Variants in AFF3 observed in about 807,000 individuals in gnomAD.
AFF3 encodes AF4/FMR2 family member 3.
Under a neutral mutation model 129.7 loss-of-function variants are expected in AFF3, and 32 were observed. The observed-to-expected ratio is 0.25, with a 90% CI of 0.19 to 0.33. The LOEUF is 0.33. Among genes scored for constraint, AFF3 ranks in the 10% least tolerant of loss-of-function variants. AFF3 has a pLI of 1.00. For synonymous variants in AFF3, 644 were observed against 635.4 expected, an observed-to-expected ratio of 1.01 and a Z score of -0.20; for missense variants, 1,373 against 1,592.0, an observed-to-expected ratio of 0.86 and a Z score of 2.34.
chr2:100,060,953 G>A (rs1029477741), intron 4 of AFF3, among the ~76,000 whole-genome samples: 3 of 152,206 alleles, frequency 2.0e-5, no homozygotes, highest in Non-Finnish European at 4.4e-5. Context: ...CGATGACGTT[G>A]ATGGTCTTGA....
At chr2:99,667,615 G>A (rs539612946) in intron 12 of AFF3, among the ~76,000 whole-genome samples, 1 of 152,206 alleles carries the variant, frequency 6.6e-6, no homozygotes, top group South Asian at 2.1e-4. Flanking sequence ...TAGCAAGACT[G>A]ATATAAAAAA....
chr2:99,597,573 A>G (rs1331014060), intron 14 of AFF3, among the ~76,000 whole-genome samples: 2 of 152,228 alleles, frequency 1.3e-5, no homozygotes, highest in Non-Finnish European at 2.9e-5. Flanking sequence ...TGTACCATTT[A>G]TTCCTTTATT....
intron 18 of AFF3, among the ~76,000 whole-genome samples, chr2:99,570,903 C>T (rs1306100094): frequency 6.6e-6 from 1 of 152,238 alleles, no homozygotes; most frequent in South Asian, 2.1e-4. Flanking sequence ...CCTCAATTTC[C>T]CCCGCCGTAA....
intron 7 of AFF3, among the ~76,000 whole-genome samples, chr2:99,887,439 G>C (rs1236143378): frequency 6.6e-6 from 1 of 152,176 alleles, no homozygotes; most frequent in East Asian, 1.9e-4. Flanking sequence ...TTAGCACTGT[G>C]CTTGTTAATT....
chr2:99,639,980 G>A (rs1488928034), intron 13 of AFF3, among the ~76,000 whole-genome samples: 2 of 152,088 alleles, frequency 1.3e-5, no homozygotes. Context: ...ACTGCACCCG[G>A]CCCAGGATGA....
At position 100,006,868 on chromosome 2, in the gene AFF3, C is replaced by T; in HGVS notation, c.637G>A (p.Val213Ile). The change falls in exon 7 of 25, where the codon GTT becomes ATT. Residue 213 changes from valine (V) to isoleucine (I), a missense_variant. Val to Ile is a conservative substitution (Grantham distance 29). This residue lies in a region of AFF3 where 255 missense variants were observed against 256.0 expected (regional missense o/e 1.00). Coordinates refer to ENST00000672756, the MANE Select transcript of AFF3 (RefSeq NM_001386135.1). ...AAKHSSSGHC[V>I]QNFPPSLASK... ...GCTAGGGATGGAGGAAAGTTCTGAA[C>T]ACAGTGTCCGCTGCTGCTGTGCTTG... 1 of 1,614,174 alleles carries T rather than the reference C, an allele frequency of 6.2e-7. No homozygotes were observed.
intron 7 of AFF3, among the ~76,000 whole-genome samples, chr2:99,840,204 G>A (rs1475456099): frequency 1.3e-5 from 2 of 152,040 alleles, no homozygotes; most frequent in Non-Finnish European, 2.9e-5. Flanking sequence ...TTCTTCTGCT[G>A]TTTGAGCTTT....
At chr2:99,889,939 C>T (rs1693421369) in intron 7 of AFF3, among the ~76,000 whole-genome samples, 1 of 152,236 alleles carries the variant, frequency 6.6e-6, no homozygotes, top group Admixed American at 6.5e-5. Flanking sequence ...GGATTACAGG[C>T]ATGAGCCACC....
chr2:99,671,931 T>C (rs1427648788), intron 12 of AFF3, among the ~76,000 whole-genome samples: 2 of 152,300 alleles, frequency 1.3e-5, no homozygotes, highest in South Asian at 2.1e-4. Context: ...ACCCCCTAAC[T>C]GATGTCTCGA....
chr2:100,081,283 T>C (rs1573369587), intron 4 of AFF3, among the ~76,000 whole-genome samples: 1 of 152,060 alleles, frequency 6.6e-6, no homozygotes, highest in South Asian at 2.1e-4. Flanking sequence ...GAAAAAGTCT[T>C]GATACAGAGG....
At chr2:99,594,685 A>G (rs1439959099) in intron 14 of AFF3, among the ~76,000 whole-genome samples, 1 of 152,132 alleles carries the variant, frequency 6.6e-6, no homozygotes, top group Non-Finnish European at 1.5e-5. Context: ...AGCATAAATC[A>G]CTTGTTTTTT....
chr2:99,975,333 T>A (rs1283488086), intron 7 of AFF3, among the ~76,000 whole-genome samples: 3 of 152,154 alleles, frequency 2.0e-5, no homozygotes, highest in African/African-American at 7.2e-5. Flanking sequence ...AACCCAACAA[T>A]CTATCAAAAT....
intron 2 of AFF3, chr2:100,106,420 A>G (rs1691296593): frequency 9.7e-7 from 1 of 1,035,270 alleles, no homozygotes; most frequent in Non-Finnish European, 1.2e-6. Flanking sequence ...CCCAATGCAC[A>G]GTGTATTTGG....
intron 18 of AFF3, among the ~76,000 whole-genome samples, chr2:99,576,699 C>T (rs753470489): frequency 1.3e-4 from 20 of 152,078 alleles, no homozygotes; most frequent in Admixed American, 2.6e-4. Context: ...TGCAAGTATG[C>T]GGTGGTGTGA....
At chr2:99,751,211 A>G (rs1395191459) in intron 9 of AFF3, among the ~76,000 whole-genome samples, 1 of 152,194 alleles carries the variant, frequency 6.6e-6, no homozygotes, top group Admixed American at 6.5e-5. Flanking sequence ...CTCCTGCCTC[A>G]GCCTCTCAAG....
chr2:100,018,363 T>G (rs1048719125), intron 4 of AFF3, among the ~76,000 whole-genome samples: 3 of 152,216 alleles, frequency 2.0e-5, no homozygotes, highest in Non-Finnish European at 2.9e-5. Context: ...CAACTCCATT[T>G]CTAGTTCAGT....
In AFF3 at chr2:100,050,636, G is replaced by T. The variant is rs1382586008; in HGVS notation, c.54-41704C>A. 2.6e-5 allele frequency among the ~76,000 whole-genome samples: 4 copies of T among 152,184 alleles called. No individual in the cohort carries two copies. In the South Asian group the frequency reaches 6.2e-4, roughly 24 times the overall value. ...TATAAGGTCCACTACACAGCACTGT[G>T]CACAAGTGTGCAAAAACACACTTTC... is the stretch of plus-strand genomic sequence containing the variant. On this transcript the variant is annotated intron_variant, in intron 4 of 24. Transcript: ENST00000672756.
chr2:99,988,832 C>T (rs1680098023), intron 7 of AFF3, among the ~76,000 whole-genome samples: 1 of 152,028 alleles, frequency 6.6e-6, no homozygotes, highest in South Asian at 2.1e-4. Context: ...GTAACATGAT[C>T]TGATTTATTT....
intron 11 of AFF3, among the ~76,000 whole-genome samples, chr2:99,673,879 CT>C (rs1275778647): frequency 1.3e-5 from 2 of 152,200 alleles, no homozygotes; most frequent in Non-Finnish European, 2.9e-5. Flanking sequence ...GGGTGAGTCG[CT>C]TCACGCACCC....
Sources: gnomAD v4.1 joint callset for allele counts (sites outside exome capture counted in the v4.1 genomes callset) on GRCh38, gnomAD v4.1.1 for gene constraint, gnomAD v4.1.1 regional missense constraint, MANE v1.5 for transcripts, NCBI Gene and HGNC (gene_info 2026-07-23, HGNC 2026-07-21) for gene names.